The following CNTN6 variants were observed in gnomAD, a reference collection of about 807,000 sequenced individuals.
CNTN6 encodes contactin-6.
Under a neutral mutation model 122.8 loss-of-function variants are expected in CNTN6, and 137 were observed. The ratio of observed to expected loss-of-function variants is 1.12; its 90% CI spans 0.97 to 1.29. The LOEUF (loss-of-function observed/expected upper bound fraction) is 1.29, where lower values mean the gene tolerates loss of function less well. CNTN6 is among the 50% of genes most tolerant of loss of function. CNTN6 has a pLI of 0.00. For missense variants in CNTN6, 1,634 were observed against 1,223.4 expected (o/e 1.34, Z -5.01); for synonymous variants, 570 against 426.0 (o/e 1.34, Z -4.16).
At chr3:1,203,364 A>C (rs1277548178) in intron 2 of CNTN6, among the ~76,000 whole-genome samples, 67 of 152,240 alleles carry the variant, frequency 4.4e-4, no homozygotes, top group Non-Finnish European at 2.4e-4. Flanking sequence ...GTTACCAAAC[A>C]TCCAGAGAGA....
chr3:1,146,918 ATTGT>A (rs1239140287), intron 1 of CNTN6, among the ~76,000 whole-genome samples: 1 of 152,068 alleles, frequency 6.6e-6, no homozygotes, highest in African/African-American at 2.4e-5. Flanking sequence ...ACCCCTGAAT[ATTGT>A]TTATTTTTCC....
chr3:1,262,869 A>G (rs1448458035), intron 4 of CNTN6, among the ~76,000 whole-genome samples: 2 of 152,058 alleles, frequency 1.3e-5, no homozygotes, highest in Non-Finnish European at 2.9e-5. Flanking sequence ...AATTTTATGA[A>G]GATTAAATGT....
At chr3:1,349,104 A>G (rs2126064655) in intron 11 of CNTN6, among the ~76,000 whole-genome samples, 1 of 152,130 alleles carries the variant, frequency 6.6e-6, no homozygotes, top group Middle Eastern at 3.4e-3. Flanking sequence ...CTCCAGTTTC[A>G]ATCATGTATT....
At chr3:1,290,978 C>T (rs1435433272) in intron 5 of CNTN6, among the ~76,000 whole-genome samples, 1 of 152,120 alleles carries the variant, frequency 6.6e-6, no homozygotes. Context: ...TAACTTTCTG[C>T]AAATACAGCC....
chr3:1,300,507 GAGAA>G (rs369448560), intron 7 of CNTN6, among the ~76,000 whole-genome samples: 4,822 of 134,350 alleles, frequency 0.036, 138 homozygotes, highest in South Asian at 0.06. Flanking sequence ...AGAAAAGAAA[GAGAA>G]AGAAAGAAAG....
At chr3:1,115,205 A>G (rs2091664769) in intron 1 of CNTN6, among the ~76,000 whole-genome samples, 1 of 152,212 alleles carries the variant, frequency 6.6e-6, no homozygotes, top group Non-Finnish European at 1.5e-5. Flanking sequence ...GAAATTCCCC[A>G]GTAAAAACCA....
At chr3:1,197,652 A>G (rs754260338) in intron 2 of CNTN6, among the ~76,000 whole-genome samples, 42 of 152,196 alleles carry the variant, frequency 2.8e-4, no homozygotes, top group Non-Finnish European at 2.9e-4. Context: ...GAGGAAGCCC[A>G]CGTAGTGATA....
intron 5 of CNTN6, among the ~76,000 whole-genome samples, chr3:1,281,808 AGAAT>A (rs1162978033): frequency 1.3e-5 from 2 of 152,242 alleles, no homozygotes; most frequent in Admixed American, 1.3e-4. Flanking sequence ...ACAGTCAGCA[AGAAT>A]GAGTCTCACA....
intron 1 of CNTN6, among the ~76,000 whole-genome samples, chr3:1,102,526 C>G (rs943225644): frequency 4.8e-4 from 73 of 151,452 alleles, no homozygotes; most frequent in African/African-American, 1.3e-3. Context: ...GTCAGGAGAT[C>G]GAGACCATCC....
At chr3:1,401,284 GAATT>G (rs34787015) in intron 20 of CNTN6, 145 bp from the exon 21 acceptor site, 117,817 of 645,034 alleles carry the variant, frequency 0.18, 11,937 homozygotes, top group Admixed American at 0.22. Flanking sequence ...ACTGTGATTA[GAATT>G]AATATATTTC....
chr3:1,216,851 G>A (rs2094137057), intron 2 of CNTN6, among the ~76,000 whole-genome samples: 2 of 152,178 alleles, frequency 1.3e-5, no homozygotes. Flanking sequence ...GAAAACAATG[G>A]AGAGGGAATC....
chr3:1,222,531 G>A (rs749311888), intron 3 of CNTN6, among the ~76,000 whole-genome samples: 1 of 151,314 alleles, frequency 6.6e-6, no homozygotes, highest in African/African-American at 2.4e-5. Context: ...ATATAAAATA[G>A]GTTCTCAAGA....
chr3:1,372,208 C>G (rs1485089526), intron 12 of CNTN6, 91 bp from the exon 13 acceptor site: 2 of 996,330 alleles, frequency 2.0e-6, no homozygotes, highest in East Asian at 2.8e-5. Context: ...TATATAATTT[C>G]AAATGAATGA....
chr3:1,202,253 T>C (rs112343705), intron 2 of CNTN6, among the ~76,000 whole-genome samples: 19 of 152,208 alleles, frequency 1.2e-4, no homozygotes, highest in African/African-American at 4.1e-4. Flanking sequence ...AGCTGTAACA[T>C]GTTTGGGCCG....
chr3:1,331,722 G>A (rs1028029556), intron 11 of CNTN6, among the ~76,000 whole-genome samples: 1 of 151,694 alleles, frequency 6.6e-6, no homozygotes, highest in Non-Finnish European at 1.5e-5. Flanking sequence ...CTCACCCAAG[G>A]AGCAGAATGA....
intron 20 of CNTN6, among the ~76,000 whole-genome samples, chr3:1,388,084 A>ACTGCCT (rs1693388608): frequency 6.6e-6 from 1 of 152,034 alleles, no homozygotes; most frequent in Non-Finnish European, 1.5e-5. Context: ...CCTGCCTGCA[A>ACTGCCT]CTGTAGGCTC....
At chr3:1,128,025 A>C in intron 1 of CNTN6, among the ~76,000 whole-genome samples, 1 of 151,950 alleles carries the variant, frequency 6.6e-6, no homozygotes, top group East Asian at 1.9e-4. Flanking sequence ...AATTTTTCTA[A>C]ATTAAGTGCA....
intron 4 of CNTN6, among the ~76,000 whole-genome samples, chr3:1,246,002 A>T (rs1039039399): frequency 1.6e-4 from 24 of 152,186 alleles, no homozygotes; most frequent in Non-Finnish European, 1.5e-5. Flanking sequence ...CCTGGGTTGC[A>T]TGCAGCCTGA....
chr3:1,340,159 C>T (rs1396295359), intron 11 of CNTN6, among the ~76,000 whole-genome samples: 1 of 152,140 alleles, frequency 6.6e-6, no homozygotes, highest in Non-Finnish European at 1.5e-5. Flanking sequence ...TTCTGAGAAG[C>T]TCTGACTCAA....
Sources: gnomAD v4.1 joint callset for allele counts (sites outside exome capture counted in the v4.1 genomes callset) on GRCh38, gnomAD v4.1.1 for gene constraint, MANE v1.5 for transcripts, NCBI Gene and HGNC (gene_info 2026-07-23, HGNC 2026-07-21) for gene names.